Variants in PGM5 observed in about 807,000 individuals in gnomAD.
PGM5 encodes phosphoglucomutase-like protein 5.
Under a neutral mutation model 59.2 loss-of-function variants are expected in PGM5, and 23 were observed. That is an observed-to-expected ratio of 0.39 (90% confidence interval 0.28 to 0.55). PGM5 has a LOEUF of 0.55. Ranked by LOEUF, PGM5 falls within the 20% of genes least tolerant of loss-of-function variation. PGM5 has a pLI of 0.66. For missense variants in PGM5, 574 were observed against 748.3 expected (o/e 0.77, Z 2.72); for synonymous variants, 214 against 286.0 (o/e 0.75, Z 2.54).
intron 6 of PGM5, among the ~76,000 whole-genome samples, chr9:68,456,714 T>A (rs1316971865): frequency 6.6e-6 from 1 of 150,622 alleles, no homozygotes; most frequent in Non-Finnish European, 1.5e-5. Context: ...AGCCTCCACT[T>A]CCCGGGTTCA....
intron 9 of PGM5, among the ~76,000 whole-genome samples, chr9:68,484,877 C>T (rs1434711659): frequency 6.6e-6 from 1 of 152,274 alleles, no homozygotes; most frequent in South Asian, 2.1e-4. Flanking sequence ...CTGGATAGGT[C>T]TTTTCCAGTT....
chr9:68,458,346 G>T (rs1385608045), intron 6 of PGM5, among the ~76,000 whole-genome samples: 29 of 152,314 alleles, frequency 1.9e-4, no homozygotes, highest in African/African-American at 7.0e-4. Context: ...AATGAAAGTG[G>T]AGAAGCTTCT....
chr9:68,408,096 G>A (rs1409893194), intron 6 of PGM5, among the ~76,000 whole-genome samples: 1 of 152,222 alleles, frequency 6.6e-6, no homozygotes, highest in Non-Finnish European at 1.5e-5. Flanking sequence ...GTGAAAGGTG[G>A]ACATTTCCCC....
intron 6 of PGM5, among the ~76,000 whole-genome samples, chr9:68,445,560 G>A (rs1297888533): frequency 1.3e-5 from 2 of 152,200 alleles, no homozygotes; most frequent in African/African-American, 2.4e-5. Flanking sequence ...GGGACACAAC[G>A]TGGAGATCTT....
chr9:68,393,340 CATAATATAT>C (rs1367850266), intron 6 of PGM5, among the ~76,000 whole-genome samples: 1 of 150,064 alleles, frequency 6.7e-6, no homozygotes, highest in Non-Finnish European at 1.5e-5. Flanking sequence ...ATATAATATA[CATAATATAT>C]ATACATATAT....
At chr9:68,394,402 G>A (rs1469475178) in intron 6 of PGM5, 1 of 152,104 alleles carries the variant, frequency 6.6e-6, no homozygotes, top group Non-Finnish European at 1.5e-5. Context: ...AGGAGACAGA[G>A]GTTGCAGTGA....
At chr9:68,364,477 A>T (rs1834641296) in intron 1 of PGM5, among the ~76,000 whole-genome samples, 1 of 152,066 alleles carries the variant, frequency 6.6e-6, no homozygotes, top group South Asian at 2.1e-4. Context: ...AGGGAGAAAG[A>T]ACTGGGTGGT....
At chr9:68,393,907 A>G (rs1822429194) in intron 6 of PGM5, 3 of 152,326 alleles carry the variant, frequency 2.0e-5, no homozygotes, top group Non-Finnish European at 4.4e-5. Flanking sequence ...TGATATATTT[A>G]TATATTTGTA....
chr9:68,377,319 T>C (rs1406641871), intron 1 of PGM5, among the ~76,000 whole-genome samples: 1 of 152,144 alleles, frequency 6.6e-6, no homozygotes, highest in African/African-American at 2.4e-5. Context: ...TGGCTGAACA[T>C]TGGAATCATC....
At chr9:68,376,062 T>G (rs1821873291) in intron 1 of PGM5, among the ~76,000 whole-genome samples, 2 of 152,226 alleles carry the variant, frequency 1.3e-5, no homozygotes, top group South Asian at 4.1e-4. Flanking sequence ...CCTTGTAGAC[T>G]ACAATGAAGA....
chr9:68,505,769 T>C (rs144998437), intron 10 of PGM5, among the ~76,000 whole-genome samples: 11 of 152,260 alleles, frequency 7.2e-5, no homozygotes, highest in Admixed American at 7.2e-4. Context: ...CTTATGGAGT[T>C]TTCACTAGGT....
At chr9:68,360,822 G>C (rs1834561076) in intron 1 of PGM5, among the ~76,000 whole-genome samples, 1 of 152,056 alleles carries the variant, frequency 6.6e-6, no homozygotes, top group African/African-American at 2.4e-5. Flanking sequence ...ACATTTTCCT[G>C]TATAGTTACG....
intron 6 of PGM5, among the ~76,000 whole-genome samples, chr9:68,449,722 C>T (rs899422173): frequency 6.6e-6 from 1 of 152,208 alleles, no homozygotes; most frequent in Non-Finnish European, 1.5e-5. Context: ...AGGATTTGAA[C>T]CCAGGTTTGT....
At chr9:68,423,469 G>T (rs538813393) in intron 6 of PGM5, among the ~76,000 whole-genome samples, 1 of 152,208 alleles carries the variant, frequency 6.6e-6, no homozygotes, top group African/African-American at 2.4e-5. Context: ...ATTTGAAAGA[G>T]TAAATGGTGG....
At position 68,406,387 on chromosome 9, in the gene PGM5, G is replaced by A. The variant is rs187021082; in HGVS notation, c.1043+13914G>A. 7.1e-3 allele frequency: 1,074 copies of A among 150,448 alleles called. 7 individuals are homozygous for A. Among genetic ancestry groups the A allele is most frequent in the Middle Eastern group, 0.017 (5 of 296 alleles). 9.3% of individuals were successfully genotyped at this position (150,448 alleles called of 1,614,324 possible). On this transcript the variant is annotated intron_variant, in intron 6 of 10. Transcript: ENST00000396396. ...GTCGAGGACTCTGCAGAGTCCCAAG[G>A]TAGCACAGGGGGTGAGGGGGCTGAG...
intron 6 of PGM5, among the ~76,000 whole-genome samples, chr9:68,438,276 G>C (rs11142393): frequency 0.039 from 5,127 of 131,964 alleles, 113 homozygotes; most frequent in East Asian, 0.091. Flanking sequence ...GCGACAGAGG[G>C]AGACTCTGTC....
intron 8 of PGM5, among the ~76,000 whole-genome samples, chr9:68,483,189 G>T (rs1221951004): frequency 6.6e-6 from 1 of 152,152 alleles, no homozygotes; most frequent in Non-Finnish European, 1.5e-5. Context: ...CTCACGTTCT[G>T]GTGGCCAAAG....
At chr9:68,472,748 A>G (rs1824042036) in intron 7 of PGM5, among the ~76,000 whole-genome samples, 1 of 152,024 alleles carries the variant, frequency 6.6e-6, no homozygotes, top group Non-Finnish European at 1.5e-5. Context: ...TCCCTCAGGG[A>G]GTTTATAGGG....
At chr9:68,436,673 A>G (rs1047726719) in intron 6 of PGM5, among the ~76,000 whole-genome samples, 2 of 152,218 alleles carry the variant, frequency 1.3e-5, no homozygotes, top group Non-Finnish European at 2.9e-5. Flanking sequence ...CAACCACTTC[A>G]TCTCACAAAA....
Sources: gnomAD v4.1 joint callset for allele counts (sites outside exome capture counted in the v4.1 genomes callset) on GRCh38, gnomAD v4.1.1 for gene constraint, MANE v1.5 for transcripts, NCBI Gene and HGNC (gene_info 2026-07-23, HGNC 2026-07-21) for gene names.